The following TXNL4A variants were observed in gnomAD, a reference collection of about 807,000 sequenced individuals.
TXNL4A encodes thioredoxin like 4A, also known as thioredoxin-like protein 4A.
A neutral mutation model predicts 14.6 loss-of-function variants in TXNL4A; 17 were observed. The ratio of observed to expected loss-of-function variants is 1.16; its 90% confidence interval spans 0.80 to 1.74. TXNL4A has a LOEUF of 1.74. TXNL4A is among the 40% of genes most tolerant of loss of function. TXNL4A has a pLI of 0.00. For missense variants in TXNL4A, 74 were observed against 195.2 expected (o/e 0.38, Z 3.70); for synonymous variants, 83 against 70.6 (o/e 1.18, Z -0.88).
In TXNL4A at chr18:80,012,735, G is replaced by A. The variant is rs529326711; in HGVS notation, c.-61+21116C>T. ...AGAGTTTTGAAAAATTAGAGACACA[G>A]AATGTCCTGGCCAATATCTTAGACA... On this transcript the variant is annotated intron_variant, in intron 1 of 2. Transcript: ENST00000585474. Among the ~76,000 whole-genome samples, 24 of 152,332 alleles carry A rather than the reference G, an allele frequency of 1.6e-4. No individual in the cohort carries two copies. The South Asian group carries it at 5.0e-3, about 32-fold the overall frequency.
At chr18:80,005,572 G>A (rs2051724489) in intron 1 of TXNL4A, among the ~76,000 whole-genome samples, 1 of 152,312 alleles carries the variant, frequency 6.6e-6, no homozygotes, top group Non-Finnish European at 1.5e-5. Context: ...TAGTTTTCCT[G>A]GGAGCTTATA....
At chr18:80,006,186 C>G (rs2051729252) in intron 1 of TXNL4A, among the ~76,000 whole-genome samples, 1 of 151,930 alleles carries the variant, frequency 6.6e-6, no homozygotes, top group African/African-American at 2.4e-5. Flanking sequence ...GAGTTCGAGA[C>G]CAGCCTGGCC....
At chr18:80,017,158 CTGTT>C (rs1476476208) in intron 1 of TXNL4A, among the ~76,000 whole-genome samples, 11 of 150,810 alleles carry the variant, frequency 7.3e-5, no homozygotes, top group Admixed American at 5.9e-4. Context: ...ATTTGGCTCT[CTGTT>C]TGTCTGTTAT....
chr18:80,016,177 T>C (rs2051807913), intron 1 of TXNL4A, among the ~76,000 whole-genome samples: 1 of 151,346 alleles, frequency 6.6e-6, no homozygotes, highest in Non-Finnish European at 1.5e-5. Flanking sequence ...GAAGTGTCTG[T>C]TCATATCCTT....
upstream of TXNL4A, among the ~76,000 whole-genome samples, chr18:79,991,012 G>T (rs1402342962): frequency 1.3e-5 from 2 of 151,554 alleles, no homozygotes; most frequent in Non-Finnish European, 2.9e-5. Context: ...GGAGGCTGAG[G>T]CAGGAGAATG....
intron 1 of TXNL4A, among the ~76,000 whole-genome samples, chr18:79,978,942 T>C (rs1599716879): frequency 1.3e-5 from 2 of 151,314 alleles, no homozygotes; most frequent in East Asian, 4.0e-4. Flanking sequence ...CATTCTTTTT[T>C]TTTTCTTTTT....
chr18:80,022,308 G>T (rs2051855191), intron 1 of TXNL4A, among the ~76,000 whole-genome samples: 1 of 152,120 alleles, frequency 6.6e-6, no homozygotes, highest in South Asian at 2.1e-4. Flanking sequence ...TTCCCCAAGG[G>T]TTTTTTTCTT....
upstream of TXNL4A, among the ~76,000 whole-genome samples, chr18:79,991,334 T>C (rs2051627474): frequency 6.6e-6 from 1 of 152,080 alleles, no homozygotes. Flanking sequence ...TCTGCCTCTA[T>C]AGATTTACCT....
chr18:80,000,392 G>T lies in TXNL4A; in HGVS notation c.-60-22691C>A, dbSNP rs565882978. On this transcript the variant is annotated intron_variant, in intron 1 of 2. Coordinates refer to the TXNL4A transcript ENST00000585474. The stretch of plus-strand genomic sequence containing the variant: ...TTAGGAAAGAGAATGGTGGCATTTT[G>T]CCCCTGCCCTAGACATCTGTGAAAC... 5.9e-5 allele frequency among the ~76,000 whole-genome samples: 9 copies of T among 152,310 alleles called. No individual in the cohort carries two copies. The East Asian group carries it at 1.7e-3, about 29-fold the overall frequency.
intron 1 of TXNL4A, among the ~76,000 whole-genome samples, chr18:80,016,648 G>C (rs1295444651): frequency 6.6e-6 from 1 of 152,154 alleles, no homozygotes; most frequent in Non-Finnish European, 1.5e-5. Flanking sequence ...GTTTTTCTCA[G>C]GTTCGTCAAA....
At chr18:79,993,037 G>A (rs9949598), upstream of TXNL4A, among the ~76,000 whole-genome samples, 115,032 of 151,554 alleles carry the variant, frequency 0.76, 44,919 homozygotes, top group East Asian at 0.91. The surrounding 1 kb of genome is among the most constrained non-coding windows in gnomAD (Gnocchi z 4.4). Context: ...GGAGAAAGGC[G>A]TAGACCTGTC....
At chr18:80,025,718 T>G (rs1239707304) in intron 1 of TXNL4A, among the ~76,000 whole-genome samples, 5 of 152,256 alleles carry the variant, frequency 3.3e-5, no homozygotes, top group Non-Finnish European at 7.3e-5. Context: ...TCAGAACCTA[T>G]GACCCAGGTC....
chr18:79,986,457 A>C (rs192430855), intron 1 of TXNL4A: 8 of 665,104 alleles, frequency 1.2e-5, no homozygotes, highest in East Asian at 1.4e-4. Flanking sequence ...AAAATACCCC[A>C]AAGTGAGCCC....
At chr18:80,014,091 T>C (rs1241699778) in intron 1 of TXNL4A, among the ~76,000 whole-genome samples, 2 of 151,982 alleles carry the variant, frequency 1.3e-5, no homozygotes, top group Non-Finnish European at 2.9e-5. Flanking sequence ...CCTGGGTCCC[T>C]CCCACAACAT....
At chr18:79,988,614 G>C, upstream of TXNL4A, 1 of 386,858 alleles carries the variant, frequency 2.6e-6, no homozygotes, top group Non-Finnish European at 4.4e-6. Flanking sequence ...GCGCGCGCTA[G>C]CGCCGTGCGT....
At chr18:80,021,311 G>A (rs1273471589) in intron 1 of TXNL4A, among the ~76,000 whole-genome samples, 2 of 152,134 alleles carry the variant, frequency 1.3e-5, no homozygotes, top group Admixed American at 6.5e-5. Context: ...CGAGTAGCTG[G>A]GACTATGGGC....
chr18:79,973,624 C>T lies in TXNL4A; in HGVS notation c.*61G>A, dbSNP rs943367973. ...TGTATTTTCCAAAGGCTTTAAATAG[C>T]TTAAAACGTTTCCATACAAAAAGGG... On this transcript the variant is annotated 3_prime_UTR_variant, in exon 3 of 3. Coordinates refer to ENST00000269601, the MANE Select transcript of TXNL4A (RefSeq NM_006701.5). The T allele has an allele frequency of 3.4e-5, 53 of 1,548,846 alleles. 1 individual carries two copies. In the African/African-American group the frequency reaches 5.7e-4, roughly 17 times the overall value.
chr18:79,986,381 TTTA>T (rs1426793048), intron 1 of TXNL4A, among the ~76,000 whole-genome samples: 1 of 152,142 alleles, frequency 6.6e-6, no homozygotes, highest in Non-Finnish European at 1.5e-5. Flanking sequence ...GCATTAAAAG[TTTA>T]TTAATAAAGC....
At chr18:79,983,453 A>G (rs1174663318) in intron 1 of TXNL4A, among the ~76,000 whole-genome samples, 1 of 152,182 alleles carries the variant, frequency 6.6e-6, no homozygotes, top group Non-Finnish European at 1.5e-5. Flanking sequence ...CCACCTGCCA[A>G]GTTACAATGA....
Sources: gnomAD v4.1 joint callset for allele counts (sites outside exome capture counted in the v4.1 genomes callset) on GRCh38, gnomAD v4.1.1 for gene constraint, Gnocchi (gnomAD v3.1) non-coding constraint, MANE v1.5 for transcripts, NCBI Gene and HGNC (gene_info 2026-07-23, HGNC 2026-07-21) for gene names.